ORC3: variants seen among roughly 807,000 people sequenced by gnomAD.
ORC3 encodes homolog of latheo, Drosophila.
A neutral mutation model predicts 100.7 loss-of-function variants in ORC3; 78 were observed. The observed-to-expected ratio is 0.77, with a 90% CI of 0.65 to 0.94. The LOEUF is 0.94. ORC3 is among the 40% of genes least tolerant of loss of function. ORC3 has a pLI of 0.00. For synonymous variants in ORC3, 295 were observed against 289.3 expected, an observed-to-expected ratio of 1.02 and a Z score of -0.20; for missense variants, 789 against 823.9, an observed-to-expected ratio of 0.96 and a Z score of 0.52.
chr6:87,649,640 G>A (rs192502583), intron 13 of ORC3, among the ~76,000 whole-genome samples: 173 of 152,238 alleles, frequency 1.1e-3, no homozygotes, highest in Non-Finnish European at 1.5e-3. Flanking sequence ...CAGCTACTCA[G>A]GAGGCTGAGA....
intron 17 of ORC3, 103 bp downstream of exon 17, chr6:87,663,247 C>T: frequency 1.1e-6 from 1 of 882,434 alleles, no homozygotes; most frequent in Non-Finnish European, 1.7e-6. Context: ...AGCAGAGAGT[C>T]GGCAATTCAG....
At chr6:87,591,983 G>A (rs926666430) in intron 1 of ORC3, among the ~76,000 whole-genome samples, 5 of 152,094 alleles carry the variant, frequency 3.3e-5, no homozygotes, top group African/African-American at 4.8e-5. Flanking sequence ...CGCCAGCCTC[G>A]GCCTCCCAAA....
In ORC3 at chr6:87,612,256, G is replaced by T; in HGVS notation, c.873+8G>T. 6.3e-7 allele frequency: 1 copy of T among 1,580,232 alleles called. No individual in the cohort carries two copies. The highest frequency in any genetic ancestry group is 8.6e-7 in the Non-Finnish European group (1 of 1,164,790). Reference sequence around the variant, plus strand: ...ACTACGGTACTCGATAAGGTAAAAAGAATAAGTTTTACCAGTGAAATAGGA... The same window carrying T: ...ACTACGGTACTCGATAAGGTAAAAATAATAAGTTTTACCAGTGAAATAGGA... On this transcript the variant is annotated splice_region_variant and intron_variant, in intron 8 of 19. Coordinates refer to ENST00000392844, the MANE Select transcript of ORC3 (RefSeq NM_012381.4).
At chr6:87,674,977 T>G in the ORC3 span, 1 of 121,684 alleles carries the variant, frequency 8.2e-6, no homozygotes, top group Non-Finnish European at 1.7e-5. Context: ...ACAAGGGCAG[T>G]AAAACAATGA....
chr6:87,657,885 A>T, intron 15 of ORC3, 36 bp from the exon 16 acceptor site: 2 of 1,166,814 alleles, frequency 1.7e-6, no homozygotes, highest in Non-Finnish European at 2.6e-6. Context: ...TTTCTGTCTG[A>T]GGATCACCAG....
chr6:87,662,128 T>C (rs1770229134), intron 16 of ORC3, among the ~76,000 whole-genome samples: 2 of 152,106 alleles, frequency 1.3e-5, no homozygotes, highest in Non-Finnish European at 1.5e-5. Context: ...AATTCCAATA[T>C]ATAAAAAACT....
intron 13 of ORC3, among the ~76,000 whole-genome samples, chr6:87,651,611 T>C (rs1769273840): frequency 6.6e-6 from 1 of 152,226 alleles, no homozygotes; most frequent in Non-Finnish European, 1.5e-5. Context: ...TTTTATACTT[T>C]TAAAAAAACC....
intron 9 of ORC3, among the ~76,000 whole-genome samples, chr6:87,618,766 G>A (rs1450630061): frequency 2.6e-5 from 4 of 152,062 alleles, no homozygotes; most frequent in African/African-American, 4.8e-5. Context: ...GTCATAGGAT[G>A]TTCTGTTGTT....
chr6:87,593,007 G>C (rs1156719156), intron 1 of ORC3, among the ~76,000 whole-genome samples: 2 of 151,716 alleles, frequency 1.3e-5, no homozygotes, highest in Non-Finnish European at 2.9e-5. Context: ...GCAGGAGAAT[G>C]GCTTGAACCC....
chr6:87,609,258 A>G, intron 7 of ORC3, 29 bp downstream of exon 7: 1 of 1,491,524 alleles, frequency 6.7e-7, no homozygotes, highest in Non-Finnish European at 9.0e-7. Context: ...GGCTTTTATG[A>G]AAAACTCCCT....
chr6:87,634,171 T>C, intron 11 of ORC3, among the ~76,000 whole-genome samples: 1 of 152,288 alleles, frequency 6.6e-6, no homozygotes, highest in East Asian at 1.9e-4. Context: ...CTATCCCTCA[T>C]GTCATCATCC....
Position 87,634,571 on chromosome 6 carries a change from G to T in ORC3, c.1186-274G>T, listed in dbSNP as rs550253069. On this transcript the variant is annotated intron_variant, in intron 11 of 19. Coordinates refer to ENST00000392844, the MANE Select transcript of ORC3 (RefSeq NM_012381.4). The stretch of plus-strand genomic sequence containing the variant: ...TGCTTTCTTGCATACTTGTAATTTT[G>T]GTGGCCAAAGTATTGTGGGAATGCT... Among the ~76,000 whole-genome samples the T allele has an allele frequency of 3.3e-5, 5 of 152,322 alleles. No individual in the cohort carries two copies. In the South Asian group the frequency reaches 1.0e-3, roughly 32 times the overall value.
intron 13 of ORC3, among the ~76,000 whole-genome samples, chr6:87,650,463 C>A (rs1020509091): frequency 6.6e-6 from 1 of 152,020 alleles, no homozygotes; most frequent in African/African-American, 2.4e-5. Flanking sequence ...ATTTCTTTTT[C>A]TTAATTTATT....
intron 11 of ORC3, among the ~76,000 whole-genome samples, chr6:87,623,874 A>G (rs1289959612): frequency 6.6e-6 from 1 of 151,194 alleles, no homozygotes; most frequent in African/African-American, 2.4e-5. Flanking sequence ...ACAGAGCAAG[A>G]CTCTGTCTTT....
chr6:87,628,561 C>T (rs1017250284), intron 11 of ORC3, among the ~76,000 whole-genome samples: 7 of 152,194 alleles, frequency 4.6e-5, no homozygotes, highest in Admixed American at 4.6e-4. Flanking sequence ...CCCAACTAGA[C>T]TTTAAATCCT....
intron 16 of ORC3, among the ~76,000 whole-genome samples, chr6:87,659,710 C>T (rs769264778): frequency 4.6e-5 from 7 of 151,776 alleles, no homozygotes; most frequent in African/African-American, 1.7e-4. Flanking sequence ...GGTGAAACCC[C>T]GACTCTACTA....
At chr6:87,660,938 A>T (rs1770132660) in intron 16 of ORC3, among the ~76,000 whole-genome samples, 1 of 152,270 alleles carries the variant, frequency 6.6e-6, no homozygotes, top group South Asian at 2.1e-4. Context: ...CAACTAATGT[A>T]GCCAGTGGAA....
At chr6:87,655,355 T>A (rs1769596147) in intron 14 of ORC3, among the ~76,000 whole-genome samples, 1 of 147,586 alleles carries the variant, frequency 6.8e-6, no homozygotes, top group East Asian at 2.0e-4. Flanking sequence ...CCAGCTGAAT[T>A]TTTTTTTTTT....
intron 8 of ORC3, among the ~76,000 whole-genome samples, chr6:87,613,588 A>G (rs1176209819): frequency 2.0e-5 from 3 of 152,340 alleles, no homozygotes; most frequent in African/African-American, 4.8e-5. Flanking sequence ...CCTTCTGCCT[A>G]TGAGCCTGTA....
Sources: allele counts gnomAD v4.1 joint callset (sites outside exome capture counted in the v4.1 genomes callset), GRCh38; gene constraint gnomAD v4.1.1; transcripts MANE v1.5; gene names NCBI Gene and HGNC (gene_info 2026-07-23, HGNC 2026-07-21).